UMAD1: variants seen among roughly 807,000 people sequenced by gnomAD.
UMAD1 encodes the protein UBAP1-MVB12-associated (UMA) domain containing 1, also known as UBAP1-MVB12-associated (UMA)-domain containing protein 1.
A neutral mutation model predicts 6.1 loss-of-function variants in UMAD1; 8 were observed. That is an observed-to-expected ratio of 1.30 (90% CI 0.76 to 2.35). UMAD1 has a LOEUF of 2.35. UMAD1 is among the 30% of genes most tolerant of loss of function. The pLI is 0.00. For missense variants in UMAD1, 130 were observed against 78.4 expected (o/e 1.66, Z -2.49); for synonymous variants, 56 against 31.4 (o/e 1.78, Z -2.61).
At chr7:7,816,021 AAAG>A (rs1783117898) in intron 3 of UMAD1, among the ~76,000 whole-genome samples, 1 of 152,192 alleles carries the variant, frequency 6.6e-6, no homozygotes, top group African/African-American at 2.4e-5. Context: ...GACAAGAAAT[AAAG>A]AAGGACATTA....
rs1440295145 is a variant in UMAD1 at position 7,676,120 on chromosome 7, C to T, written c.82+2667C>T. 7.5e-6 allele frequency: 3 copies of T among 398,530 alleles called. No homozygotes were observed. In the East Asian group the frequency reaches 1.1e-4, roughly 14 times the overall value. The allele number at this position is 398,530 out of a possible 1,614,324, so 24.7% of individuals were successfully genotyped here. A position where few individuals can be genotyped will look rare whatever the true frequency, so the allele number is the denominator to read the frequency against. ...TCCGCAGAAGCATCTCAGAGGCTCT[C>T]CAGTGACGTGCTGTTAAAAGTGCTG... On this transcript the variant is annotated intron_variant, in intron 2 of 3. Transcript: ENST00000682710.
chr7:7,820,218 A>T (rs145680757), intron 3 of UMAD1, among the ~76,000 whole-genome samples: 1 of 39,862 alleles, frequency 2.5e-5, no homozygotes, highest in Non-Finnish European at 7.1e-5. Flanking sequence ...TGATTAAATT[A>T]TAGATAAATT....
At chr7:7,791,758 T>C (rs982795915) in intron 2 of UMAD1, among the ~76,000 whole-genome samples, 1 of 152,224 alleles carries the variant, frequency 6.6e-6, no homozygotes, top group African/African-American at 2.4e-5. Context: ...GTTGGTGTTC[T>C]TACTTTCCAG....
chr7:7,824,942 G>C (rs1439280281), intron 3 of UMAD1, among the ~76,000 whole-genome samples: 1 of 152,066 alleles, frequency 6.6e-6, no homozygotes, highest in African/African-American at 2.4e-5. Context: ...TAGTTAACTG[G>C]GTTTTGTTTT....
chr7:7,870,228 G>C (rs1198987603), intron 3 of UMAD1, among the ~76,000 whole-genome samples: 1 of 152,026 alleles, frequency 6.6e-6, no homozygotes, highest in Non-Finnish European at 1.5e-5. Flanking sequence ...TTCTTTGTAA[G>C]ATTAAAAAAA....
chr7:7,742,534 G>A, intron 2 of UMAD1: 1 of 524,110 alleles, frequency 1.9e-6, no homozygotes, highest in Non-Finnish European at 3.8e-6. Context: ...AGGAGGGGCA[G>A]GAGCTTCCTT....
chr7:7,856,219 A>G (rs1784013976), intron 3 of UMAD1, among the ~76,000 whole-genome samples: 1 of 152,162 alleles, frequency 6.6e-6, no homozygotes, highest in Non-Finnish European at 1.5e-5. Context: ...ATACCAATTT[A>G]TTGTATTAGT....
At chr7:7,846,440 T>C (rs949833826) in intron 3 of UMAD1, among the ~76,000 whole-genome samples, 1 of 152,194 alleles carries the variant, frequency 6.6e-6, no homozygotes, top group Non-Finnish European at 1.5e-5. Flanking sequence ...CTGCAAGAGA[T>C]ATTACAATTC....
At chr7:7,718,895 T>G (rs1446538243) in intron 2 of UMAD1, among the ~76,000 whole-genome samples, 1 of 145,194 alleles carries the variant, frequency 6.9e-6, no homozygotes, top group East Asian at 1.9e-4. Context: ...GGGAAATGTA[T>G]GTGTGTTTTA....
chr7:7,757,767 T>TAGAGAATGC (rs1007645403), intron 2 of UMAD1, among the ~76,000 whole-genome samples: 1 of 152,126 alleles, frequency 6.6e-6, no homozygotes, highest in African/African-American at 2.4e-5. Context: ...GTGGATTAAG[T>TAGAGAATGC]AGAGAATGCA....
In UMAD1 at chr7:7,713,398, GT is replaced by G. The variant is rs796648586; in HGVS notation, c.82+39959del. Among the ~76,000 whole-genome samples the G allele has an allele frequency of 1.6e-3, 232 of 140,918 alleles. 2 individuals are homozygous for G. The highest frequency in any genetic ancestry group is 6.6e-3 in the South Asian group (29 of 4,362). 92.4% of individuals were successfully genotyped at this position (140,918 alleles called of 152,430 possible). On this transcript the variant is annotated intron_variant, in intron 2 of 3. Coordinates refer to ENST00000682710, the MANE Select transcript of UMAD1 (RefSeq NM_001302348.2). ...AAACAAATCTAAGTTTATAGACAGA[GT>G]TTTTTTTTTTTTTAAATGATATCTT...
intron 2 of UMAD1, among the ~76,000 whole-genome samples, chr7:7,755,609 A>G (rs1781761707): frequency 1.3e-5 from 2 of 152,240 alleles, no homozygotes; most frequent in Non-Finnish European, 2.9e-5. Context: ...GGCTTAAAGA[A>G]AAGGCTTTTG....
intron 2 of UMAD1, among the ~76,000 whole-genome samples, chr7:7,753,803 G>C (rs1242372858): frequency 3.9e-5 from 6 of 152,134 alleles, no homozygotes; most frequent in African/African-American, 1.2e-4. Context: ...CGGTCAGATT[G>C]CTGGATCATA....
intron 2 of UMAD1, among the ~76,000 whole-genome samples, chr7:7,697,992 CCCCACTACTCATTTG>C: frequency 6.6e-6 from 1 of 152,136 alleles, no homozygotes; most frequent in African/African-American, 2.4e-5. Context: ...AGCAAGCTGA[CCCCACTACTCATTTG>C]ATTGTTAGAA....
intron 2 of UMAD1, among the ~76,000 whole-genome samples, chr7:7,751,881 C>T (rs117963320): frequency 0.012 from 1,877 of 152,284 alleles, 14 homozygotes; most frequent in Middle Eastern, 0.058. Flanking sequence ...CTCTTTTCTA[C>T]TCTGACGGTC....
Position 7,749,635 on chromosome 7 carries a change from G to A in UMAD1, c.83-52035G>A, listed in dbSNP as rs533502203. 3.9e-5 allele frequency among the ~76,000 whole-genome samples: 6 copies of A among 152,212 alleles called. No homozygotes were observed. In the South Asian group the frequency reaches 1.2e-3, roughly 32 times the overall value. Reference sequence around the variant, plus strand: ...TGGCATGCTTAGGAGGGCAAGTCATGAATCTTTACTCTCATATTTTTCTAA... The same window carrying A: ...TGGCATGCTTAGGAGGGCAAGTCATAAATCTTTACTCTCATATTTTTCTAA... On this transcript the variant is annotated intron_variant, in intron 2 of 3. Coordinates refer to ENST00000682710, the MANE Select transcript of UMAD1 (RefSeq NM_001302348.2).
intron 3 of UMAD1, among the ~76,000 whole-genome samples, chr7:7,860,248 T>G (rs957186186): frequency 6.6e-6 from 1 of 152,146 alleles, no homozygotes; most frequent in Non-Finnish European, 1.5e-5. Flanking sequence ...TAATTATGAT[T>G]TTTAAAGACA....
At chr7:7,866,233 A>G (rs1042856132) in intron 3 of UMAD1, among the ~76,000 whole-genome samples, 4 of 152,202 alleles carry the variant, frequency 2.6e-5, no homozygotes, top group African/African-American at 9.6e-5. Context: ...ACATGTATTG[A>G]TTATCTGTTA....
intron 2 of UMAD1, among the ~76,000 whole-genome samples, chr7:7,758,282 A>T (rs978898776): frequency 1.3e-5 from 2 of 151,822 alleles, no homozygotes; most frequent in Non-Finnish European, 2.9e-5. Context: ...CCTTTTTCTC[A>T]CGTAGCCTAT....
Sources: allele counts gnomAD v4.1 joint callset (sites outside exome capture counted in the v4.1 genomes callset), GRCh38; gene constraint gnomAD v4.1.1; transcripts MANE v1.5; gene names NCBI Gene and HGNC (gene_info 2026-07-23, HGNC 2026-07-21).